Variants in SVEP1 observed in about 807,000 individuals in gnomAD.
SVEP1 encodes sushi, von Willebrand factor type A, EGF and pentraxin domain containing 1.
Under a neutral mutation model 367.3 loss-of-function variants are expected in SVEP1, and 164 were observed. The observed-to-expected ratio is 0.45, with a 90% confidence interval of 0.39 to 0.51. SVEP1 has a LOEUF of 0.51. Ranked by LOEUF, SVEP1 falls within the 20% of genes least tolerant of loss-of-function variation. The pLI is 0.00. For missense variants in SVEP1, 4,117 were observed against 4,425.3 expected, an observed-to-expected ratio of 0.93 and a Z score of 1.98; for synonymous variants, 1,666 against 1,611.6, an observed-to-expected ratio of 1.03 and a Z score of -0.81.
rs149737812 is a variant in SVEP1 at position 110,577,032 on chromosome 9, C to T, written c.531+1981G>A. On this transcript the variant is annotated intron_variant, in intron 1 of 47. Transcript: ENST00000374469. The stretch of plus-strand genomic sequence containing the variant: ...CTTTGAGAAAATATAAGGTCTTACA[C>T]TTTTGAAATGGAAGAATTATTACTA... Among the ~76,000 whole-genome samples the T allele has an allele frequency of 7.5e-3, 1,147 of 152,036 alleles. 4 individuals carry two copies. The highest frequency in any genetic ancestry group is 0.012 in the Non-Finnish European group (796 of 67,896).
chr9:110,489,690 G>C lies in SVEP1; in HGVS notation c.1890C>G (p.Ser630=). 1.2e-6 allele frequency: 2 copies of C among 1,613,328 alleles called. No individual in the cohort carries two copies. The highest frequency in any genetic ancestry group is 1.7e-6 in the Non-Finnish European group (2 of 1,179,508). ...VAIVYTATDL[S]GNQASCIFHI... is the part of the protein sequence containing the mutation. ...GGAAAATGCAGCTGGCCTGGTTGCC[G>C]GATAGGTCAGTTGCCGTGTATACGA... Residue 630 remains serine, a synonymous_variant, in exon 9 of 48, where the codon TCC becomes TCG. Transcript: ENST00000374469.
At chr9:110,399,059 G>A (rs10980371) in intron 40 of SVEP1, among the ~76,000 whole-genome samples, 69,910 of 151,778 alleles carry the variant, frequency 0.46, 16,518 homozygotes, top group Non-Finnish European at 0.48. Context: ...TGTTTATTGC[G>A]GCACTATTCA....
At chr9:110,413,027 A>C (rs377412080) in intron 36 of SVEP1, among the ~76,000 whole-genome samples, 108 of 151,664 alleles carry the variant, frequency 7.1e-4, no homozygotes, top group East Asian at 9.7e-4. Flanking sequence ...TTGACCCAGC[A>C]ATCCCATTAC....
intron 1 of SVEP1, among the ~76,000 whole-genome samples, chr9:110,572,606 A>G (rs1194448957): frequency 6.6e-6 from 1 of 152,142 alleles, no homozygotes; most frequent in Non-Finnish European, 1.5e-5. Context: ...GCACACCTGT[A>G]ATCCCAGCAC....
At chr9:110,403,640 T>TAA (rs370083824) in intron 39 of SVEP1, among the ~76,000 whole-genome samples, 8 of 151,440 alleles carry the variant, frequency 5.3e-5, no homozygotes, top group African/African-American at 1.7e-4. Context: ...CAAAATTAGG[T>TAA]AAAAAAAATG....
intron 12 of SVEP1, among the ~76,000 whole-genome samples, chr9:110,480,203 T>C (rs775387370): frequency 1.3e-5 from 2 of 152,220 alleles, no homozygotes; most frequent in South Asian, 2.1e-4. Flanking sequence ...AGTGTAATTG[T>C]CATAAAGACA....
rs1827629893 is a variant in SVEP1 at position 110,390,320 on chromosome 9, T to TATATATACAC, written c.9823-734_9823-733insGTGTATATAT. On this transcript the variant is annotated intron_variant, in intron 40 of 47. Coordinates refer to ENST00000374469, the MANE Select transcript of SVEP1 (RefSeq NM_153366.4). ...ATATACTTATATAAGTATGTGTATA[T>TATATATACAC]ATACTTATATATACACATACTTATA... 2.7e-5 allele frequency among the ~76,000 whole-genome samples: 3 copies of TATATATACAC among 109,166 alleles called. No homozygotes were observed. In the South Asian group the frequency reaches 8.1e-4, roughly 29 times the overall value. 71.6% of individuals were successfully genotyped at this position (109,166 alleles called of 152,430 possible).
chr9:110,439,234 C>G (rs1223008361), intron 27 of SVEP1, among the ~76,000 whole-genome samples: 9 of 152,074 alleles, frequency 5.9e-5, no homozygotes, highest in Non-Finnish European at 1.3e-4. Context: ...GAAGAGACAC[C>G]AGAAAGCTTG....
chr9:110,473,538 CT>C (rs1829053689), intron 14 of SVEP1, among the ~76,000 whole-genome samples: 1 of 152,088 alleles, frequency 6.6e-6, no homozygotes, highest in African/African-American at 2.4e-5. Flanking sequence ...ATTTAGTAAT[CT>C]TTTTCAAATT....
chr9:110,466,251 T>C (rs1223326457), intron 17 of SVEP1, among the ~76,000 whole-genome samples: 1 of 152,184 alleles, frequency 6.6e-6, no homozygotes, highest in East Asian at 1.9e-4. Flanking sequence ...TATGACCTTT[T>C]ACAGTGTTTG....
intron 5 of SVEP1, among the ~76,000 whole-genome samples, chr9:110,503,738 A>C (rs1829577305): frequency 6.6e-6 from 1 of 152,056 alleles, no homozygotes; most frequent in Non-Finnish European, 1.5e-5. Context: ...CTACTGTCCA[A>C]CCCCAGTTCT....
chr9:110,483,732 T>C, intron 9 of SVEP1, 39 bp from the exon 10 acceptor site: 2 of 1,476,494 alleles, frequency 1.4e-6, no homozygotes, highest in Non-Finnish European at 9.2e-7. Context: ...TCACAGCTGA[T>C]ATTCACAAAC....
intron 5 of SVEP1, among the ~76,000 whole-genome samples, chr9:110,511,337 G>A (rs1365548285): frequency 6.6e-6 from 1 of 152,014 alleles, no homozygotes; most frequent in Non-Finnish European, 1.5e-5. Flanking sequence ...CACGTGAAAA[G>A]AGTCTATTTC....
At chr9:110,552,024 C>CTTTTTTTTTTTTTTT (rs34366561) in intron 1 of SVEP1, among the ~76,000 whole-genome samples, 1 of 77,006 alleles carries the variant, frequency 1.3e-5, no homozygotes, top group Non-Finnish European at 2.4e-5. Context: ...GGTACCCAAC[C>CTTTTTTTTTTTTTTT]TTTTTTTTTT....
Position 110,528,002 on chromosome 9 carries a change from C to T in SVEP1, c.965-13896G>A, listed in dbSNP as rs1390443908. On this transcript the variant is annotated intron_variant, in intron 3 of 47. Coordinates refer to ENST00000374469, the MANE Select transcript of SVEP1 (RefSeq NM_153366.4). The stretch of plus-strand genomic sequence containing the variant: ...TTACTTCACTTAGGATAATGGTCTC[C>T]AGCTCCATCAAAGTTGCTGCAAAAG... 2.0e-5 allele frequency among the ~76,000 whole-genome samples: 3 copies of T among 151,018 alleles called. No homozygotes were observed. The Admixed American group carries it at 2.0e-4, about 10-fold the overall frequency.
At chr9:110,516,083 GCTAAATCATTATAATATA>G (rs147054514) in intron 3 of SVEP1, among the ~76,000 whole-genome samples, 42 of 133,180 alleles carry the variant, frequency 3.2e-4, no homozygotes, top group African/African-American at 6.2e-4. Flanking sequence ...GGATGCTAAA[GCTAAATCATTATAATATA>G]CTAAATCATT....
rs111245230 is a variant in SVEP1 at position 110,407,495 on chromosome 9, T to C, written c.8105A>G (p.Asp2702Gly). The C allele has an allele frequency of 0.031, 50,637 of 1,613,974 alleles. 878 individuals carry two copies. Among genetic ancestry groups the C allele is most frequent in the Middle Eastern group, 0.047 (284 of 6,062 alleles). The change falls in exon 38 of 48, where the codon GAT (aspartate) becomes GGT (glycine). Residue 2702 changes from aspartate to glycine, a missense_variant. By Grantham distance (94) the Asp-to-Gly change is moderately conservative. Around this residue, in one of 4 missense-constraint regions of SVEP1, gnomAD observed 1,765 missense variants for 1,781.1 expected, o/e 0.99. Coordinates refer to ENST00000374469, the MANE Select transcript of SVEP1 (RefSeq NM_153366.4). Reference sequence around the variant, plus strand: ...TGGTGCACTGCCATTCCAAGTTCCATCTTCCTGGCAGATCAGCACAGGGTT... The same window carrying C: ...TGGTGCACTGCCATTCCAAGTTCCACCTTCCTGGCAGATCAGCACAGGGTT... ...LGNPVLICQE[D>G]GTWNGSAPSC...
At chr9:110,551,820 T>C (rs187102637) in intron 1 of SVEP1, among the ~76,000 whole-genome samples, 34 of 151,902 alleles carry the variant, frequency 2.2e-4, no homozygotes, top group African/African-American at 8.0e-4. Context: ...GAATGAGAAA[T>C]GTGAGATGTT....
At chr9:110,472,909 T>C (rs2118675507) in intron 14 of SVEP1, among the ~76,000 whole-genome samples, 1 of 152,306 alleles carries the variant, frequency 6.6e-6, no homozygotes, top group East Asian at 1.9e-4. Context: ...TCACTGTGAT[T>C]AACTGCATGG....
Sources: gnomAD v4.1 joint callset for allele counts (sites outside exome capture counted in the v4.1 genomes callset) on GRCh38, gnomAD v4.1.1 for gene constraint, gnomAD v4.1.1 regional missense constraint, MANE v1.5 for transcripts, NCBI Gene and HGNC (gene_info 2026-07-23, HGNC 2026-07-21) for gene names.